Variants in CAMTA1 observed in about 807,000 individuals in gnomAD.
The protein encoded by CAMTA1 is calmodulin-binding transcription activator 1.
CAMTA1 carries 27 observed loss-of-function variants against 170.9 expected under a neutral mutation model. The ratio of observed to expected loss-of-function variants is 0.16; its 90% CI spans 0.12 to 0.22. The LOEUF is 0.22. Among genes scored for constraint, CAMTA1 ranks in the 10% least tolerant of loss-of-function variants. The probability of loss-of-function intolerance (pLI) is 1.00; values close to 1 mark genes in which losing one functional copy is unlikely to be tolerated. For missense variants in CAMTA1, 1,619 were observed against 2,217.2 expected (o/e 0.73, Z 5.42); for synonymous variants, 833 against 891.5 (o/e 0.93, Z 1.17).
intron 4 of CAMTA1, among the ~76,000 whole-genome samples, chr1:7,247,886 G>A (rs1666060072): frequency 6.6e-6 from 1 of 152,172 alleles, no homozygotes; most frequent in Admixed American, 6.5e-5. Context: ...TTGTAAGCAG[G>A]AGACAGATAC....
At chr1:7,668,230 C>A (rs1419835221) in intron 9 of CAMTA1, among the ~76,000 whole-genome samples, 1 of 152,124 alleles carries the variant, frequency 6.6e-6, no homozygotes, top group Non-Finnish European at 1.5e-5. Flanking sequence ...TTACTCAGCA[C>A]CCCCACCCAG....
At chr1:7,000,951 T>C (rs1034218411) in intron 3 of CAMTA1, among the ~76,000 whole-genome samples, 3 of 152,194 alleles carry the variant, frequency 2.0e-5, no homozygotes, top group Non-Finnish European at 4.4e-5. Flanking sequence ...ACTCACTAAT[T>C]ACTCATTTAA....
intron 4 of CAMTA1, among the ~76,000 whole-genome samples, chr1:7,181,957 C>A (rs1221395502): frequency 6.8e-6 from 1 of 147,972 alleles, no homozygotes; most frequent in Non-Finnish European, 1.5e-5. Context: ...TTAAAATGAA[C>A]TATAAAGCCT....
intron 1 of CAMTA1, among the ~76,000 whole-genome samples, chr1:6,811,063 C>T (rs1291430090): frequency 6.6e-6 from 1 of 152,190 alleles, no homozygotes; most frequent in Non-Finnish European, 1.5e-5. Flanking sequence ...CATGTGCCTT[C>T]TATGTGCTCT....
At chr1:7,438,184 A>G (rs2092407332) in intron 5 of CAMTA1, among the ~76,000 whole-genome samples, 1 of 152,138 alleles carries the variant, frequency 6.6e-6, no homozygotes, top group Non-Finnish European at 1.5e-5. Context: ...TGCGGCCCAT[A>G]GGGCTGCCAC....
At chr1:7,175,205 A>T (rs1157789268) in intron 4 of CAMTA1, among the ~76,000 whole-genome samples, 1 of 152,086 alleles carries the variant, frequency 6.6e-6, no homozygotes, top group Non-Finnish European at 1.5e-5. Flanking sequence ...GTCCCAGTGG[A>T]CACTCTGGGA....
chr1:7,222,526 G>T (rs928262292), intron 4 of CAMTA1, among the ~76,000 whole-genome samples: 1 of 152,162 alleles, frequency 6.6e-6, no homozygotes, highest in African/African-American at 2.4e-5. Flanking sequence ...TGACATAGTG[G>T]CTGTGCTCAG....
chr1:7,019,973 A>C (rs1701118977), intron 3 of CAMTA1, among the ~76,000 whole-genome samples: 1 of 152,230 alleles, frequency 6.6e-6, no homozygotes, highest in South Asian at 2.1e-4. Flanking sequence ...CTCCACCCTC[A>C]GAGTGGCAAG....
intron 1 of CAMTA1, among the ~76,000 whole-genome samples, chr1:6,807,305 T>C (rs1405159668): frequency 1.3e-5 from 2 of 152,240 alleles, no homozygotes; most frequent in Non-Finnish European, 1.5e-5. Context: ...GGCTCTGGCC[T>C]TTACTCTGTC....
At chr1:7,046,530 A>T (rs1705409949) in intron 3 of CAMTA1, among the ~76,000 whole-genome samples, 1 of 152,164 alleles carries the variant, frequency 6.6e-6, no homozygotes, top group Non-Finnish European at 1.5e-5. Context: ...TCTGTGTTCC[A>T]TCCCGGATGC....
intron 3 of CAMTA1, among the ~76,000 whole-genome samples, chr1:6,968,782 G>C (rs2175171): frequency 0.46 from 69,938 of 151,606 alleles, 17,122 homozygotes; most frequent in Non-Finnish European, 0.55. Flanking sequence ...TGGGGGCTTG[G>C]GGGAGGCGGG....
intron 4 of CAMTA1, among the ~76,000 whole-genome samples, chr1:7,223,282 A>G (rs1230820061): frequency 1.3e-5 from 2 of 152,010 alleles, no homozygotes; most frequent in African/African-American, 2.4e-5. Flanking sequence ...CCCTACCCTA[A>G]ACTTAGTGCA....
At chr1:7,207,851 C>T (rs757038518) in intron 4 of CAMTA1, among the ~76,000 whole-genome samples, 2 of 152,210 alleles carry the variant, frequency 1.3e-5, no homozygotes, top group Non-Finnish European at 2.9e-5. Context: ...CTCTCCTGGG[C>T]ATTTGAAAGC....
chr1:7,386,798 A>C (rs1326131976), intron 5 of CAMTA1, among the ~76,000 whole-genome samples: 1 of 152,136 alleles, frequency 6.6e-6, no homozygotes, highest in East Asian at 1.9e-4. Flanking sequence ...TTCCCGGGTC[A>C]CTTGGCTCCT....
At chr1:7,668,158 C>T (rs1385134863) in intron 9 of CAMTA1, among the ~76,000 whole-genome samples, 1 of 152,194 alleles carries the variant, frequency 6.6e-6, no homozygotes, top group African/African-American at 2.4e-5. Context: ...GAGGGCTCTA[C>T]AGGCAGGCTC....
At chr1:6,844,690 CAAAAAAAAAA>C (rs1180942073) in intron 3 of CAMTA1, among the ~76,000 whole-genome samples, 38 of 52,028 alleles carry the variant, frequency 7.3e-4, no homozygotes, top group Non-Finnish European at 9.3e-4. Context: ...ACCCTGTGTC[CAAAAAAAAAA>C]AAAAAAAAAA....
chr1:7,114,263 A>G (rs1431521307), intron 4 of CAMTA1, among the ~76,000 whole-genome samples: 1 of 152,056 alleles, frequency 6.6e-6, no homozygotes, highest in Non-Finnish European at 1.5e-5. Context: ...GGTACCCTGT[A>G]TTAGTCAGGG....
chr1:7,513,509 G>A (rs772869689), intron 6 of CAMTA1, among the ~76,000 whole-genome samples: 6 of 152,262 alleles, frequency 3.9e-5, no homozygotes, highest in East Asian at 1.9e-4. Context: ...GGTCTGTCCC[G>A]GCCCTCTCCC....
chr1:7,556,385 G>A (rs1376063449), intron 6 of CAMTA1, among the ~76,000 whole-genome samples: 1 of 152,166 alleles, frequency 6.6e-6, no homozygotes, highest in Admixed American at 6.5e-5. Context: ...GGCCCCAGAG[G>A]TCAAAGCATC....
Sources: gnomAD v4.1 joint callset for allele counts (sites outside exome capture counted in the v4.1 genomes callset) on GRCh38, gnomAD v4.1.1 for gene constraint, MANE v1.5 for transcripts, NCBI Gene and HGNC (gene_info 2026-07-23, HGNC 2026-07-21) for gene names.